TBC1D8: variants seen among roughly 807,000 people sequenced by gnomAD.
TBC1D8 encodes BUB2-like protein 1.
In TBC1D8, 65 loss-of-function variants were observed where a neutral mutation model predicts 118.8. The observed-to-expected ratio is 0.55, with a 90% CI of 0.45 to 0.67. The LOEUF (loss-of-function observed/expected upper bound fraction) is 0.67, where lower values mean the gene tolerates loss of function less well. Ranked by LOEUF, TBC1D8 falls within the 30% of genes least tolerant of loss-of-function variation. The pLI, the probability that TBC1D8 is intolerant of heterozygous loss-of-function variation, is 0.00. For synonymous variants in TBC1D8, 566 were observed against 595.8 expected (o/e 0.95, Z 0.73); for missense variants, 1,376 against 1,471.2 (o/e 0.94, Z 1.06).
At chr2:101,048,271 AT>A (rs1296091045) in intron 5 of TBC1D8, among the ~76,000 whole-genome samples, 2 of 152,202 alleles carry the variant, frequency 1.3e-5, no homozygotes, top group African/African-American at 4.8e-5. Flanking sequence ...CTGTAGAGGC[AT>A]TTGAAGAAAT....
chr2:101,082,388 A>G (rs1223075640), intron 2 of TBC1D8, among the ~76,000 whole-genome samples: 1 of 152,128 alleles, frequency 6.6e-6, no homozygotes, highest in Non-Finnish European at 1.5e-5. Context: ...ATAGGCATCA[A>G]TGCAGCCAAA....
intron 1 of TBC1D8, among the ~76,000 whole-genome samples, chr2:101,148,369 G>C (rs780518701): frequency 6.6e-6 from 1 of 152,140 alleles, no homozygotes; most frequent in African/African-American, 2.4e-5. Context: ...AATGTTTCCT[G>C]AACAAATATG....
intron 1 of TBC1D8, among the ~76,000 whole-genome samples, chr2:101,137,335 C>T (rs1361918917): frequency 2.7e-5 from 4 of 149,206 alleles, no homozygotes; most frequent in Non-Finnish European, 4.5e-5. Context: ...GTTTTTGAGA[C>T]GGAGTCTCGC....
At chr2:101,104,022 T>C (rs1206628845) in intron 1 of TBC1D8, among the ~76,000 whole-genome samples, 1 of 152,074 alleles carries the variant, frequency 6.6e-6, no homozygotes, top group East Asian at 1.9e-4. Context: ...AAGGTTAACA[T>C]GACAACATCT....
chr2:101,029,927 T>C (rs1246778549), intron 11 of TBC1D8, 151 bp from the exon 12 acceptor site: 1 of 728,678 alleles, frequency 1.4e-6, no homozygotes, highest in Non-Finnish European at 2.2e-6. Context: ...TTCTGACTTT[T>C]AGACCAAGGT....
chr2:101,045,916 C>T (rs1681672930), intron 5 of TBC1D8, among the ~76,000 whole-genome samples: 1 of 152,050 alleles, frequency 6.6e-6, no homozygotes, highest in African/African-American at 2.4e-5. Flanking sequence ...TCTCTTGAAC[C>T]CAGGATGTGG....
rs747957096 is a variant in TBC1D8 at position 101,050,471 on chromosome 2, G to A, written c.802C>T (p.Arg268Ter). ...VMEQLADVTL[R>*]RLLDNEVFDL... is the part of the protein sequence containing the mutation. ...AAGACCTCATTATCCAGCAGCCTTC[G>A]CAGCGTCACGTCGGCCAGCTGCTCC... is the stretch of plus-strand genomic sequence containing the variant. The change falls in exon 5 of 20, where the codon CGA becomes TGA. Residue 268 changes from arginine (R) to a stop codon, truncating the protein, a stop_gained. Coordinates refer to ENST00000409318, the MANE Select transcript of TBC1D8 (RefSeq NM_001330348.2). LOFTEE classifies it high-confidence loss of function. 11 of 1,613,886 alleles carry A rather than the reference G, an allele frequency of 6.8e-6. No homozygotes were observed. Among genetic ancestry groups the A allele is most frequent in the South Asian group, 2.2e-5 (2 of 91,066 alleles).
chr2:101,143,316 C>T (rs1679193765), intron 1 of TBC1D8, among the ~76,000 whole-genome samples: 1 of 152,052 alleles, frequency 6.6e-6, no homozygotes, highest in South Asian at 2.1e-4. Context: ...CCACCTCGGC[C>T]TCCGAAAGTG....
At chr2:101,052,071 G>A (rs1158131609) in intron 4 of TBC1D8, among the ~76,000 whole-genome samples, 1 of 152,206 alleles carries the variant, frequency 6.6e-6, no homozygotes, top group East Asian at 1.9e-4. Flanking sequence ...CAACAGTTAT[G>A]CAAAAGTTTC....
At chr2:101,095,394 C>A (rs1178315716) in intron 1 of TBC1D8, among the ~76,000 whole-genome samples, 2 of 102,504 alleles carry the variant, frequency 2.0e-5, no homozygotes, top group Non-Finnish European at 4.3e-5. Flanking sequence ...AATGCTATCT[C>A]CCCCCCCCTC....
chr2:101,107,220 C>T (rs933623098), intron 1 of TBC1D8, among the ~76,000 whole-genome samples: 17 of 152,128 alleles, frequency 1.1e-4, no homozygotes, highest in Non-Finnish European at 1.9e-4. Flanking sequence ...CAGGTGTGAA[C>T]TCAGGTTCAG....
chr2:101,124,262 T>C (rs1678257386), intron 1 of TBC1D8, among the ~76,000 whole-genome samples: 1 of 152,214 alleles, frequency 6.6e-6, no homozygotes, highest in Admixed American at 6.5e-5. Context: ...ACCTTCTCTC[T>C]TTCTGTACAC....
At chr2:101,009,248 CAAAA>C (rs1330107082) in intron 19 of TBC1D8, among the ~76,000 whole-genome samples, 1 of 151,540 alleles carries the variant, frequency 6.6e-6, no homozygotes, top group East Asian at 1.9e-4. Context: ...ATTAAAAATA[CAAAA>C]AAAATTAGCC....
At chr2:101,113,496 C>T (rs541752437) in intron 1 of TBC1D8, among the ~76,000 whole-genome samples, 20 of 152,228 alleles carry the variant, frequency 1.3e-4, no homozygotes, top group Admixed American at 2.6e-4. Flanking sequence ...ACTTGTTCAG[C>T]GAGACTCACA....
At chr2:101,143,574 C>A (rs1024856373) in intron 1 of TBC1D8, among the ~76,000 whole-genome samples, 2 of 152,102 alleles carry the variant, frequency 1.3e-5, no homozygotes, top group Admixed American at 1.3e-4. Context: ...GCCGCCCCTA[C>A]CCCTTGAGAG....
At position 101,007,725 on chromosome 2, in the gene TBC1D8, G is replaced by A. The variant is rs989140324; in HGVS notation, c.*96C>T. On this transcript the variant is annotated 3_prime_UTR_variant, in exon 20 of 20. Coordinates refer to ENST00000409318, the MANE Select transcript of TBC1D8 (RefSeq NM_001330348.2). ...TTTAGCCAGATGCCCCATTGGTAAG[G>A]TAGACTGAAATCTCGGTTTAGGGCT... 117 of 1,296,256 alleles carry A rather than the reference G, an allele frequency of 9.0e-5. No individual in the cohort carries two copies. The highest frequency in any genetic ancestry group is 1.2e-4 in the Non-Finnish European group (109 of 931,014). The allele number at this position is 1,296,256 out of a possible 1,614,324, so 80.3% of individuals were successfully genotyped here.
At chr2:101,047,291 G>A (rs374038163) in intron 5 of TBC1D8, among the ~76,000 whole-genome samples, 2 of 152,172 alleles carry the variant, frequency 1.3e-5, no homozygotes, top group South Asian at 2.1e-4. Context: ...GAGCGGCTCC[G>A]CACTGTGGCC....
At chr2:101,142,745 T>C (rs1256356261) in intron 1 of TBC1D8, among the ~76,000 whole-genome samples, 2 of 152,220 alleles carry the variant, frequency 1.3e-5, no homozygotes, top group Admixed American at 6.5e-5. Context: ...TACGAATACA[T>C]ATAAATGTGT....
chr2:101,024,653 C>G (rs939421346), intron 15 of TBC1D8, among the ~76,000 whole-genome samples: 4 of 152,074 alleles, frequency 2.6e-5, no homozygotes, highest in African/African-American at 9.7e-5. Context: ...GTGATCCACC[C>G]GCACTGGCCT....
Sources: gnomAD v4.1 joint callset for allele counts (sites outside exome capture counted in the v4.1 genomes callset) on GRCh38, gnomAD v4.1.1 for gene constraint, MANE v1.5 for transcripts, NCBI Gene and HGNC (gene_info 2026-07-23, HGNC 2026-07-21) for gene names.